The following ADAM12 variants were observed in gnomAD, a reference collection of about 807,000 sequenced individuals.
The protein encoded by ADAM12 is ADAM metallopeptidase domain 12.
ADAM12 carries 70 observed loss-of-function variants against 106.4 expected under a neutral mutation model. The ratio of observed to expected loss-of-function variants is 0.66; its 90% CI spans 0.54 to 0.80. ADAM12 has a LOEUF of 0.80. Ranked by LOEUF, ADAM12 falls within the 30% of genes least tolerant of loss-of-function variation. ADAM12 has a pLI of 0.00. For synonymous variants in ADAM12, 420 were observed against 433.5 expected, an observed-to-expected ratio of 0.97 and a Z score of 0.39; for missense variants, 1,010 against 1,171.9, an observed-to-expected ratio of 0.86 and a Z score of 2.02.
chr10:126,222,923 G>A (rs889635616), intron 3 of ADAM12, among the ~76,000 whole-genome samples: 1 of 152,126 alleles, frequency 6.6e-6, no homozygotes, highest in African/African-American at 2.4e-5. Flanking sequence ...AATTAGACTT[G>A]CAATAGAAAA....
intron 11 of ADAM12, among the ~76,000 whole-genome samples, chr10:126,075,468 A>G (rs887138656): frequency 6.6e-6 from 1 of 152,328 alleles, no homozygotes; most frequent in East Asian, 1.9e-4. Context: ...CTCAGCCCTC[A>G]TGGAGCTTGC....
chr10:126,213,501 T>C (rs1297857368), intron 3 of ADAM12, among the ~76,000 whole-genome samples: 2 of 152,208 alleles, frequency 1.3e-5, no homozygotes, highest in Non-Finnish European at 2.9e-5. Context: ...CAAATGGAAC[T>C]CTTTGAAATT....
chr10:126,295,996 G>A (rs1960364307), intron 2 of ADAM12, among the ~76,000 whole-genome samples: 1 of 151,862 alleles, frequency 6.6e-6, no homozygotes, highest in Non-Finnish European at 1.5e-5. Context: ...TCTACCCTAC[G>A]CTACAACCAA....
intron 3 of ADAM12, among the ~76,000 whole-genome samples, chr10:126,239,679 AG>A (rs1958485455): frequency 6.6e-6 from 1 of 152,236 alleles, no homozygotes; most frequent in Non-Finnish European, 1.5e-5. Context: ...GTCGGATCTA[AG>A]GAATTATGAC....
chr10:126,276,506 T>C (rs942314901), intron 3 of ADAM12, among the ~76,000 whole-genome samples: 2 of 152,202 alleles, frequency 1.3e-5, no homozygotes, highest in Non-Finnish European at 2.9e-5. Context: ...TATAGTTAAT[T>C]TGGAATAGGT....
intron 3 of ADAM12, among the ~76,000 whole-genome samples, chr10:126,211,331 T>C (rs1052999342): frequency 6.6e-6 from 1 of 152,196 alleles, no homozygotes; most frequent in Non-Finnish European, 1.5e-5. Context: ...TACCCCACCC[T>C]CCCGGGCTCA....
At chr10:126,371,740 T>C (rs1223249770) in intron 1 of ADAM12, among the ~76,000 whole-genome samples, 1 of 152,228 alleles carries the variant, frequency 6.6e-6, no homozygotes, top group African/African-American at 2.4e-5. Flanking sequence ...TTCTTATTCA[T>C]GCCAACCCAA....
chr10:126,154,647 G>T (rs1295011411), intron 4 of ADAM12, among the ~76,000 whole-genome samples: 1 of 152,188 alleles, frequency 6.6e-6, no homozygotes, highest in Non-Finnish European at 1.5e-5. Context: ...ATGTGGGACA[G>T]ATCATGGAGA....
chr10:126,133,540 G>A (rs116881204), intron 5 of ADAM12, among the ~76,000 whole-genome samples: 22 of 152,208 alleles, frequency 1.4e-4, no homozygotes, highest in African/African-American at 4.1e-4. Flanking sequence ...CCAAGCCTCC[G>A]CTTCTGTGCA....
At chr10:126,147,385 G>A (rs990706691) in intron 4 of ADAM12, among the ~76,000 whole-genome samples, 4 of 152,074 alleles carry the variant, frequency 2.6e-5, no homozygotes, top group South Asian at 4.2e-4. Context: ...CTCTGACTAC[G>A]ACTTCATGCT....
At chr10:126,199,692 A>T in intron 3 of ADAM12, among the ~76,000 whole-genome samples, 1 of 152,344 alleles carries the variant, frequency 6.6e-6, no homozygotes, top group East Asian at 1.9e-4. Context: ...AAAAATAAAC[A>T]TTTAGAATTA....
intron 2 of ADAM12, among the ~76,000 whole-genome samples, chr10:126,312,131 G>GGAAA (rs1564725771): frequency 8.1e-6 from 1 of 123,996 alleles, no homozygotes. Context: ...GGTTGGTGTG[G>GGAAA]AAAAAAAAAA....
intron 11 of ADAM12, chr10:126,090,747 T>C (rs192178775): frequency 6.6e-6 from 1 of 152,360 alleles, no homozygotes; most frequent in East Asian, 1.9e-4. Context: ...GACTCTATCC[T>C]TGTATTTACA....
At chr10:126,330,765 T>C (rs926969035) in intron 1 of ADAM12, among the ~76,000 whole-genome samples, 2 of 152,210 alleles carry the variant, frequency 1.3e-5, no homozygotes, top group African/African-American at 4.8e-5. Context: ...TGCTGGGGTA[T>C]TATCATAGAC....
intron 11 of ADAM12, among the ~76,000 whole-genome samples, chr10:126,083,900 G>A (rs1213766114): frequency 5.3e-5 from 8 of 152,140 alleles, no homozygotes; most frequent in Admixed American, 2.0e-4. Context: ...CCATCCTCAC[G>A]TCCACTCCAG....
intron 3 of ADAM12, among the ~76,000 whole-genome samples, chr10:126,174,131 C>T (rs1957174103): frequency 1.3e-5 from 2 of 150,102 alleles, no homozygotes; most frequent in Admixed American, 6.7e-5. Context: ...GCCTCAGCCT[C>T]CTGAGTAGCT....
In ADAM12 at chr10:126,106,117, G is replaced by A. The variant is rs527455372; in HGVS notation, c.741+2476C>T. On this transcript the variant is annotated intron_variant, in intron 8 of 22. Transcript: ENST00000448723. The stretch of plus-strand genomic sequence containing the variant: ...GCCCCTCCACTCCAACGAAACTGGC[G>A]GTCATGTGGTCTCCCACTCGCCCTC... Among the ~76,000 whole-genome samples the A allele has an allele frequency of 1.2e-3, 176 of 152,172 alleles. 2 individuals carry two copies. The highest frequency in any genetic ancestry group is 8.5e-3 in the Admixed American group (130 of 15,270).
At chr10:126,146,103 C>A (rs1432767113) in intron 4 of ADAM12, among the ~76,000 whole-genome samples, 2 of 152,202 alleles carry the variant, frequency 1.3e-5, no homozygotes, top group African/African-American at 2.4e-5. Flanking sequence ...GCTAAAACAT[C>A]TTCCAGCTGT....
intron 1 of ADAM12, among the ~76,000 whole-genome samples, chr10:126,356,288 T>TCTGCCCAATCAGAG (rs1855536814): frequency 6.6e-6 from 1 of 152,126 alleles, no homozygotes; most frequent in African/African-American, 2.4e-5. Context: ...CAGAGGAAAT[T>TCTGCCCAATCAGAG]GCAATGACCA....
Sources: allele counts gnomAD v4.1 joint callset (sites outside exome capture counted in the v4.1 genomes callset), GRCh38; gene constraint gnomAD v4.1.1; transcripts MANE v1.5; gene names NCBI Gene and HGNC (gene_info 2026-07-23, HGNC 2026-07-21).